The following WDPCP variants were observed in gnomAD, a reference collection of about 807,000 sequenced individuals.
WDPCP encodes the protein WD repeat-containing and planar cell polarity effector protein fritz homolog.
A neutral mutation model predicts 93.1 loss-of-function variants in WDPCP; 71 were observed. That is an observed-to-expected ratio of 0.76 (90% CI 0.63 to 0.93). The LOEUF (loss-of-function observed/expected upper bound fraction) is 0.93, where lower values mean the gene tolerates loss of function less well. Ranked by LOEUF, WDPCP falls within the 40% of genes least tolerant of loss-of-function variation. The pLI is 0.00. For synonymous variants in WDPCP, 315 were observed against 315.0 expected, an observed-to-expected ratio of 1.00 and a Z score of 0.00; for missense variants, 844 against 887.4, an observed-to-expected ratio of 0.95 and a Z score of 0.62.
intron 13 of WDPCP, among the ~76,000 whole-genome samples, chr2:63,278,822 A>C (rs1683282473): frequency 1.3e-5 from 2 of 152,186 alleles, no homozygotes; most frequent in African/African-American, 4.8e-5. Context: ...ACTACTACAG[A>C]TACCACAGAA....
At position 63,688,674 on chromosome 2, in the gene WDPCP, G is replaced by C. The variant is rs1276614607; in HGVS notation, n.309-37836C>G. 3.3e-5 allele frequency among the ~76,000 whole-genome samples: 5 copies of C among 151,974 alleles called. No homozygotes were observed. The East Asian group carries it at 9.6e-4, about 29-fold the overall frequency. The stretch of plus-strand genomic sequence containing the variant: ...CAAAGGATAAATGCTTGAGGTGATG[G>C]ATACCCCCATTACCCTGATAGGATT... On this transcript the variant is annotated intron_variant and non_coding_transcript_variant, in intron 2 of 4. Coordinates refer to the WDPCP transcript ENST00000467687.
At chr2:63,413,102 C>T (rs1695142920) in intron 9 of WDPCP, among the ~76,000 whole-genome samples, 1 of 152,166 alleles carries the variant, frequency 6.6e-6, no homozygotes, top group Admixed American at 6.5e-5. Flanking sequence ...GGAGGCATCA[C>T]ACTACCTGAT....
intron 13 of WDPCP, among the ~76,000 whole-genome samples, chr2:63,276,013 T>TA (rs1366376905): frequency 6.6e-6 from 1 of 152,220 alleles, no homozygotes; most frequent in East Asian, 1.9e-4. Context: ...ACTGTGCGGG[T>TA]ATCCATGGCT....
intron 12 of WDPCP, among the ~76,000 whole-genome samples, chr2:63,347,550 A>T (rs1689276000): frequency 6.6e-6 from 1 of 152,144 alleles, no homozygotes; most frequent in Admixed American, 6.6e-5. Flanking sequence ...AAAAGAATTA[A>T]GTATTTGCCC....
At chr2:63,243,833 T>G (rs2104660443) in intron 14 of WDPCP, among the ~76,000 whole-genome samples, 1 of 152,136 alleles carries the variant, frequency 6.6e-6, no homozygotes. Flanking sequence ...AACAAAGAAC[T>G]TCTAGACTTC....
At chr2:63,822,136 ATC>A (rs1173578385) in intron 1 of WDPCP, among the ~76,000 whole-genome samples, 3 of 152,118 alleles carry the variant, frequency 2.0e-5, no homozygotes, top group African/African-American at 4.8e-5. Context: ...CCTGTTTTTT[ATC>A]TCTGTTTTTA....
At chr2:63,337,127 C>T (rs1036492100) in intron 12 of WDPCP, among the ~76,000 whole-genome samples, 9 of 152,060 alleles carry the variant, frequency 5.9e-5, no homozygotes, top group Non-Finnish European at 1.0e-4. Flanking sequence ...CTCTTAACTT[C>T]GTGATCCACC....
At chr2:63,263,011 C>T (rs367908423) in intron 13 of WDPCP, among the ~76,000 whole-genome samples, 1 of 152,162 alleles carries the variant, frequency 6.6e-6, no homozygotes, top group Admixed American at 6.5e-5. Flanking sequence ...CATTTATTTG[C>T]TGATTCACTT....
At chr2:63,752,856 T>G (rs1669905236) in intron 2 of WDPCP, among the ~76,000 whole-genome samples, 1 of 151,938 alleles carries the variant, frequency 6.6e-6, no homozygotes, top group South Asian at 2.1e-4. Context: ...CCAGCCCAGT[T>G]AATTTTTGTA....
intron 2 of WDPCP, among the ~76,000 whole-genome samples, chr2:63,747,484 A>G (rs1669816123): frequency 6.6e-6 from 1 of 151,948 alleles, no homozygotes; most frequent in Non-Finnish European, 1.5e-5. Context: ...TAGAGACTCA[A>G]TATAATTTTT....
At chr2:63,582,467 G>C (rs927112433) in intron 1 of WDPCP, among the ~76,000 whole-genome samples, 56 of 152,102 alleles carry the variant, frequency 3.7e-4, no homozygotes, top group African/African-American at 1.3e-3. Context: ...CCCCAAAACA[G>C]CGCAAGAATC....
At chr2:63,239,287 C>T (rs1455072822) in intron 14 of WDPCP, among the ~76,000 whole-genome samples, 1 of 152,166 alleles carries the variant, frequency 6.6e-6, no homozygotes, top group African/African-American at 2.4e-5. Context: ...GATCTCTGCT[C>T]ACTGCAAGCT....
intron 17 of WDPCP, among the ~76,000 whole-genome samples, chr2:63,146,188 GC>G (rs763396030): frequency 1.3e-5 from 2 of 152,214 alleles, no homozygotes; most frequent in East Asian, 3.9e-4. Context: ...CTATTTGGAT[GC>G]CCTTTATTTC....
intron 14 of WDPCP, among the ~76,000 whole-genome samples, chr2:63,244,993 ATATT>A (rs1240475705): frequency 6.6e-6 from 1 of 152,132 alleles, no homozygotes; most frequent in Non-Finnish European, 1.5e-5. Context: ...CCAAAACCTC[ATATT>A]TTTTTGAGTG....
chr2:63,361,855 G>A (rs370194265), intron 12 of WDPCP, among the ~76,000 whole-genome samples: 8 of 152,232 alleles, frequency 5.3e-5, no homozygotes, highest in East Asian at 3.9e-4. Context: ...CAAGATTCAC[G>A]GTATCTCAGG....
intron 13 of WDPCP, among the ~76,000 whole-genome samples, chr2:63,273,803 G>A (rs569661031): frequency 4.7e-5 from 7 of 149,316 alleles, no homozygotes; most frequent in East Asian, 2.0e-4. Flanking sequence ...TGCACCCAAC[G>A]CAGAAACACA....
At chr2:63,826,515 A>T (rs1671115935) in intron 1 of WDPCP, among the ~76,000 whole-genome samples, 1 of 152,110 alleles carries the variant, frequency 6.6e-6, no homozygotes, top group Non-Finnish European at 1.5e-5. Context: ...AATTCCACTA[A>T]CAGACACACT....
chr2:63,275,012 A>C (rs1400760091), intron 13 of WDPCP, among the ~76,000 whole-genome samples: 1 of 152,066 alleles, frequency 6.6e-6, no homozygotes. Flanking sequence ...CTATAGGCCA[A>C]AAACCTACGG....
intron 3 of WDPCP, among the ~76,000 whole-genome samples, chr2:63,629,688 C>A (rs1709844655): frequency 6.6e-6 from 1 of 152,162 alleles, no homozygotes; most frequent in African/African-American, 2.4e-5. Flanking sequence ...CACTCCCACC[C>A]AGCAGTAACA....
Sources: allele counts gnomAD v4.1 joint callset (sites outside exome capture counted in the v4.1 genomes callset), GRCh38; gene constraint gnomAD v4.1.1; transcripts MANE v1.5; gene names NCBI Gene and HGNC (gene_info 2026-07-23, HGNC 2026-07-21).